The following RTF1 variants were observed in gnomAD, a reference collection of about 807,000 sequenced individuals.
RTF1 encodes RTF1 homolog, Paf1/RNA polymerase II complex component, also known as RNA polymerase-associated protein RTF1 homolog.
A neutral mutation model predicts 95.7 loss-of-function variants in RTF1; 10 were observed. The ratio of observed to expected loss-of-function variants is 0.10; its 90% CI spans 0.06 to 0.18. The LOEUF (loss-of-function observed/expected upper bound fraction) is 0.18. RTF1 is among the 10% of genes least tolerant of loss of function. RTF1 has a pLI of 1.00. For synonymous variants in RTF1, 305 were observed against 311.8 expected (o/e 0.98, Z 0.23); for missense variants, 458 against 875.6 (o/e 0.52, Z 6.02).
At chr15:41,466,000 G>A in intron 5 of RTF1, 141 bp from the exon 6 acceptor site, 1 of 515,670 alleles carries the variant, frequency 1.9e-6, no homozygotes, top group South Asian at 2.9e-5. Flanking sequence ...ACAAGAGGAT[G>A]CTCTCTCCCC....
chr15:41,468,733 A>G (rs2050894685), intron 6 of RTF1, among the ~76,000 whole-genome samples: 2 of 152,130 alleles, frequency 1.3e-5, no homozygotes, highest in Non-Finnish European at 2.9e-5. Context: ...AAAGAATGAG[A>G]TAGTTCCTGG....
In RTF1 at chr15:41,474,636, G is replaced by C; in HGVS notation, c.1220G>C (p.Gly407Ala). 2 of 1,613,992 alleles carry C rather than the reference G, an allele frequency of 1.2e-6. No homozygotes were observed. Among genetic ancestry groups the C allele is most frequent in the Non-Finnish European group, 1.7e-6 (2 of 1,179,866 alleles). The change falls in exon 9 of 18, where the codon GGT becomes GCT. Residue 407 changes from glycine to alanine, a missense_variant. Transcript: ENST00000389629. The stretch of plus-strand genomic sequence containing the variant: ...CTCACTTAGGTCGCTGAGATTACGG[G>C]TGTTGTGGAAACTGCCAAAGTTTAC... ...KPVYRVAEIT[G>A]VVETAKVYQL...
chr15:41,457,534 AG>A, intron 3 of RTF1, 137 bp from the exon 4 acceptor site: 2 of 829,762 alleles, frequency 2.4e-6, no homozygotes, highest in Non-Finnish European at 3.9e-6. Context: ...TCAAAAAAAA[AG>A]TAAAAACAAA....
intron 4 of RTF1, among the ~76,000 whole-genome samples, chr15:41,459,315 G>A (rs781638676): frequency 2.0e-5 from 3 of 152,122 alleles, no homozygotes; most frequent in Non-Finnish European, 2.9e-5. Flanking sequence ...TGTAGAGTTT[G>A]CAATGAGCTG....
intron 2 of RTF1, among the ~76,000 whole-genome samples, chr15:41,445,170 C>G (rs1046939115): frequency 6.6e-6 from 1 of 151,840 alleles, no homozygotes; most frequent in Non-Finnish European, 1.5e-5. Flanking sequence ...CTCCTGACCT[C>G]GTGATCCACC....
intron 4 of RTF1, among the ~76,000 whole-genome samples, chr15:41,461,331 G>A (rs2050847540): frequency 1.3e-5 from 2 of 152,134 alleles, no homozygotes; most frequent in Admixed American, 6.5e-5. Context: ...ACAGGCGTAA[G>A]CCACTGTGCC....
chr15:41,437,537 A>G (rs1013399677), intron 1 of RTF1, among the ~76,000 whole-genome samples: 1 of 152,100 alleles, frequency 6.6e-6, no homozygotes, highest in African/African-American at 2.4e-5. Flanking sequence ...TCTAGTGAGT[A>G]CAGTATAATT....
At chr15:41,472,257 A>G (rs2050916457) in intron 8 of RTF1, among the ~76,000 whole-genome samples, 1 of 149,372 alleles carries the variant, frequency 6.7e-6, no homozygotes, top group Non-Finnish European at 1.5e-5. Flanking sequence ...CCCAGGCTGG[A>G]GTGCAATGGC....
At chr15:41,442,495 AAC>A (rs2050740903) in intron 2 of RTF1, among the ~76,000 whole-genome samples, 1 of 151,848 alleles carries the variant, frequency 6.6e-6, no homozygotes, top group South Asian at 2.1e-4. Context: ...TGGGTGAAAA[AAC>A]ACATACTGAA....
chr15:41,480,110 A>G (rs998755064), intron 16 of RTF1, 104 bp from the exon 17 acceptor site: 21 of 724,978 alleles, frequency 2.9e-5, no homozygotes, highest in African/African-American at 2.3e-4. Flanking sequence ...TAGTAGGAAA[A>G]TCTAATGAAC....
At chr15:41,425,754 GA>G (rs1291288380) in intron 1 of RTF1, among the ~76,000 whole-genome samples, 2 of 152,162 alleles carry the variant, frequency 1.3e-5, no homozygotes, top group Non-Finnish European at 2.9e-5. Context: ...ACAGATAGTG[GA>G]ATTGGTTGGA....
chr15:41,466,673 G>T (rs918266814), intron 6 of RTF1, among the ~76,000 whole-genome samples: 3 of 152,064 alleles, frequency 2.0e-5, no homozygotes, highest in Non-Finnish European at 4.4e-5. Context: ...ATTTCTATTT[G>T]TTTTGTAATT....
rs747435783 is a variant in RTF1, at chr15:41,466,228, C to A, written c.865C>A (p.Arg289=). The change falls in exon 6 of 18, where the codon CGA becomes AGA. Residue 289 remains arginine (R), a synonymous_variant. Transcript: ENST00000389629. ...AGCCATGGAGGAGCTAAAAGCAGAG[C>A]GAGAAAAACGAAAGAACAGAACAGG... is the stretch of plus-strand genomic sequence containing the variant. The part of the protein sequence containing the change: ...SQAMEELKAE[R]EKRKNRTAEL... 6 of 1,584,238 alleles carry A rather than the reference C, an allele frequency of 3.8e-6. No individual in the cohort carries two copies. Among genetic ancestry groups the A allele is most frequent in the Non-Finnish European group, 5.1e-6 (6 of 1,166,378 alleles).
rs540474267 is a variant in RTF1, at chr15:41,468,403, C to T, written c.890-1854C>T. ...CGCGATCTCGGCTCACTGCAAGCTC[C>T]GCCTCCTGGGTTCACACCATTCTCC... On this transcript the variant is annotated intron_variant, in intron 6 of 17. Coordinates refer to ENST00000389629, the MANE Select transcript of RTF1 (RefSeq NM_015138.5). Among the ~76,000 whole-genome samples the T allele has an allele frequency of 2.5e-3, 379 of 152,046 alleles. 3 individuals are homozygous for T. The highest frequency in any genetic ancestry group is 6.8e-3 in the Middle Eastern group (2 of 294).
At chr15:41,438,455 C>T (rs1305651894) in intron 2 of RTF1, 24 bp downstream of exon 2, 1 of 1,488,062 alleles carries the variant, frequency 6.7e-7, no homozygotes, top group Non-Finnish European at 9.2e-7. Flanking sequence ...GCCTCGGCTT[C>T]TGGGACCATT....
chr15:41,428,265 T>C, intron 1 of RTF1, among the ~76,000 whole-genome samples: 1 of 77,266 alleles, frequency 1.3e-5, no homozygotes, highest in East Asian at 2.4e-4. Flanking sequence ...CCCTTTTTTT[T>C]TTTTTTTTTT....
At chr15:41,452,159 G>A (rs2050792236) in intron 2 of RTF1, among the ~76,000 whole-genome samples, 1 of 152,232 alleles carries the variant, frequency 6.6e-6, no homozygotes, top group African/African-American at 2.4e-5. Context: ...GCTGGGGCCA[G>A]GCACAGTGGC....
chr15:41,453,131 G>GGC, intron 3 of RTF1, 83 bp downstream of exon 3: 1 of 1,205,590 alleles, frequency 8.3e-7, no homozygotes, highest in African/African-American at 1.5e-5. Context: ...GGGAGGAAGG[G>GGC]GGGTACTTGC....
chr15:41,436,701 C>T (rs960507021), intron 1 of RTF1, among the ~76,000 whole-genome samples: 7 of 149,728 alleles, frequency 4.7e-5, no homozygotes, highest in African/African-American at 7.4e-5. Flanking sequence ...GGCTGAGGCA[C>T]GGCCATTGCT....
Sources: allele counts gnomAD v4.1 joint callset (sites outside exome capture counted in the v4.1 genomes callset), GRCh38; gene constraint gnomAD v4.1.1; transcripts MANE v1.5; gene names NCBI Gene and HGNC (gene_info 2026-07-23, HGNC 2026-07-21).